The following CDH18 variants were observed in gnomAD, a reference collection of about 807,000 sequenced individuals.
CDH18 encodes cadherin 18, also known as cadherin-18.
CDH18 carries 31 observed loss-of-function variants against 67.9 expected under a neutral mutation model. That is an observed-to-expected ratio of 0.46 (90% CI 0.34 to 0.62). CDH18 has a LOEUF of 0.62. CDH18 is among the 20% of genes least tolerant of loss of function. The pLI is 0.01. For synonymous variants in CDH18, 362 were observed against 347.2 expected, an observed-to-expected ratio of 1.04 and a Z score of -0.48; for missense variants, 890 against 975.5, an observed-to-expected ratio of 0.91 and a Z score of 1.17.
At chr5:20,215,563 G>C (rs1303616518) in intron 2 of CDH18, among the ~76,000 whole-genome samples, 2 of 151,912 alleles carry the variant, frequency 1.3e-5, no homozygotes, top group Non-Finnish European at 2.9e-5. Flanking sequence ...GTTGAAAGCA[G>C]TGTGGTGATT....
At chr5:20,486,993 C>T (rs1753237322) in intron 1 of CDH18, among the ~76,000 whole-genome samples, 1 of 152,154 alleles carries the variant, frequency 6.6e-6, no homozygotes, top group Non-Finnish European at 1.5e-5. Context: ...GGATAGGTTA[C>T]AGCTGACAGG....
intron 1 of CDH18, among the ~76,000 whole-genome samples, chr5:20,413,419 C>T (rs903214106): frequency 6.6e-6 from 1 of 152,160 alleles, no homozygotes; most frequent in Non-Finnish European, 1.5e-5. Flanking sequence ...CTAGTTTACA[C>T]TCCCACCAAC....
At chr5:20,476,630 T>C (rs6860865) in intron 1 of CDH18, among the ~76,000 whole-genome samples, 14,752 of 152,184 alleles carry the variant, frequency 0.097, 2,278 homozygotes, top group African/African-American at 0.33. Flanking sequence ...TTTTCTGCAT[T>C]TGTATTACAC....
chr5:19,870,822 T>C (rs1581724923), intron 2 of CDH18, among the ~76,000 whole-genome samples: 1 of 152,188 alleles, frequency 6.6e-6, no homozygotes, highest in East Asian at 1.9e-4. Context: ...AGCTCAATAA[T>C]ACACACCTCT....
chr5:20,065,311 T>C (rs1387280878), intron 2 of CDH18, among the ~76,000 whole-genome samples: 3 of 152,010 alleles, frequency 2.0e-5, no homozygotes, highest in Non-Finnish European at 4.4e-5. Context: ...TTAGATACAA[T>C]TGATTTGGCT....
chr5:19,534,265 AT>A (rs539359668), intron 9 of CDH18, among the ~76,000 whole-genome samples: 149 of 152,136 alleles, frequency 9.8e-4, no homozygotes, highest in African/African-American at 3.5e-3. Context: ...TATTAAATAC[AT>A]TTTTAAGGCA....
At chr5:20,248,296 T>C (rs1200627567) in intron 2 of CDH18, among the ~76,000 whole-genome samples, 3 of 152,208 alleles carry the variant, frequency 2.0e-5, no homozygotes, top group Non-Finnish European at 2.9e-5. Context: ...GCAACATGAA[T>C]AATACTGTTC....
chr5:19,477,540 A>C (rs989435175), intron 12 of CDH18, among the ~76,000 whole-genome samples: 2 of 152,248 alleles, frequency 1.3e-5, no homozygotes, highest in Non-Finnish European at 2.9e-5. Flanking sequence ...TCAAACTCCT[A>C]ATTGTACTGG....
At chr5:19,643,399 T>C (rs1378528956) in intron 5 of CDH18, among the ~76,000 whole-genome samples, 1 of 152,142 alleles carries the variant, frequency 6.6e-6, no homozygotes, top group African/African-American at 2.4e-5. Context: ...CATTGTAGCG[T>C]AATTCACAAT....
intron 2 of CDH18, among the ~76,000 whole-genome samples, chr5:20,114,779 C>T (rs1212659025): frequency 2.6e-5 from 4 of 152,102 alleles, no homozygotes; most frequent in African/African-American, 9.7e-5. Flanking sequence ...AGCAGCTCTA[C>T]AGCCCATTTC....
At chr5:20,544,228 C>T (rs1452079422) in intron 1 of CDH18, among the ~76,000 whole-genome samples, 1 of 151,966 alleles carries the variant, frequency 6.6e-6, no homozygotes, top group East Asian at 1.9e-4. Context: ...TATTCACAAG[C>T]ATACCTCACA....
chr5:20,148,371 A>G (rs1750833241), intron 2 of CDH18, among the ~76,000 whole-genome samples: 1 of 152,128 alleles, frequency 6.6e-6, no homozygotes, highest in African/African-American at 2.4e-5. Context: ...TGCTGGGATT[A>G]CATGCGTGAG....
intron 1 of CDH18, among the ~76,000 whole-genome samples, chr5:20,423,168 A>C (rs779948822): frequency 6.6e-6 from 1 of 151,374 alleles, no homozygotes; most frequent in African/African-American, 2.5e-5. Flanking sequence ...TCTCCAGTTC[A>C]GCTCTGGCAA....
intron 1 of CDH18, among the ~76,000 whole-genome samples, chr5:20,381,983 G>C (rs1031674460): frequency 1.3e-5 from 2 of 151,906 alleles, no homozygotes; most frequent in Non-Finnish European, 2.9e-5. Context: ...AATTTAAAAA[G>C]TTATTACATT....
At chr5:19,660,926 T>C (rs1757071308) in intron 5 of CDH18, among the ~76,000 whole-genome samples, 2 of 151,066 alleles carry the variant, frequency 1.3e-5, no homozygotes, top group South Asian at 4.1e-4. Flanking sequence ...TGAAAGTGTG[T>C]GGTAATTTGT....
chr5:20,335,035 G>A (rs566960511), intron 1 of CDH18, among the ~76,000 whole-genome samples: 2 of 152,208 alleles, frequency 1.3e-5, no homozygotes, highest in East Asian at 3.9e-4. Flanking sequence ...TCTTCTCTTT[G>A]GTTTCCTGAT....
At chr5:20,181,978 A>C (rs1172102410) in intron 2 of CDH18, among the ~76,000 whole-genome samples, 2 of 152,122 alleles carry the variant, frequency 1.3e-5, no homozygotes, top group Non-Finnish European at 2.9e-5. Context: ...ATCCCTAAGT[A>C]TGGCAACATA....
chr5:19,611,118 G>A (rs1011085985), intron 6 of CDH18, among the ~76,000 whole-genome samples: 2 of 152,060 alleles, frequency 1.3e-5, no homozygotes, highest in African/African-American at 4.8e-5. Context: ...ACCTAAGTTC[G>A]CAAAACAATT....
intron 1 of CDH18, among the ~76,000 whole-genome samples, chr5:20,567,734 T>C (rs1422431414): frequency 6.6e-6 from 1 of 152,156 alleles, no homozygotes; most frequent in Non-Finnish European, 1.5e-5. Flanking sequence ...TTCAAGAGCC[T>C]CAGTCCCAGT....
Sources: allele counts gnomAD v4.1 joint callset (sites outside exome capture counted in the v4.1 genomes callset), GRCh38; gene constraint gnomAD v4.1.1; transcripts MANE v1.5; gene names NCBI Gene and HGNC (gene_info 2026-07-23, HGNC 2026-07-21).